The following DOK4 variants were observed in gnomAD, a reference collection of about 807,000 sequenced individuals.
DOK4 encodes the protein downstream of tyrosine kinase 4.
Under a neutral mutation model 40.1 loss-of-function variants are expected in DOK4, and 26 were observed. That is an observed-to-expected ratio of 0.65 (90% CI 0.48 to 0.90). DOK4 has a LOEUF of 0.90. DOK4 is among the 40% of genes least tolerant of loss of function. DOK4 has a pLI of 0.00. For synonymous variants in DOK4, 179 were observed against 177.0 expected, an observed-to-expected ratio of 1.01 and a Z score of -0.09; for missense variants, 392 against 437.2, an observed-to-expected ratio of 0.90 and a Z score of 0.92.
intron 7 of DOK4, 50 bp downstream of exon 7, chr16:57,473,851 C>T (rs374269329): frequency 9.2e-5 from 146 of 1,587,786 alleles, no homozygotes; most frequent in African/African-American, 2.7e-4. Context: ...CCTGCCTGCC[C>T]GCCCGTTCCC....
intron 5 of DOK4, 53 bp from the exon 6 acceptor site, chr16:57,475,035 T>C: frequency 6.2e-7 from 1 of 1,600,190 alleles, no homozygotes; most frequent in Non-Finnish European, 8.5e-7. Flanking sequence ...AGATGGGGAC[T>C]TCCTCCCTCC....
Position 57,476,518 on chromosome 16 carries a change from T to C in DOK4, c.67-561A>G, listed in dbSNP as rs184354473. On this transcript the variant is annotated intron_variant, in intron 2 of 8. Coordinates refer to ENST00000340099, the Ensembl canonical transcript of DOK4. ...TCTCCTGGGGATAGGGATTAGACCCTTCCCCCTGCCCACCTGTACATCCCC... is the reference window on the plus strand; with the variant it reads ...TCTCCTGGGGATAGGGATTAGACCCCTCCCCCTGCCCACCTGTACATCCCC... Among the ~76,000 whole-genome samples, 182 of 152,236 alleles carry C rather than the reference T, an allele frequency of 1.2e-3. 1 individual carries two copies. Among genetic ancestry groups the C allele is most frequent in the Admixed American group, 9.0e-3 (137 of 15,300 alleles).
exon 9 of DOK4, chr16:57,473,314 ACACTGCAGCCAGCCC>A (rs2030960017): frequency 6.4e-7 from 1 of 1,561,070 alleles, no homozygotes; most frequent in Non-Finnish European, 8.7e-7. Flanking sequence ...TGTCCACGGT[ACACTGCAGCCAGCCC>A]CGCAGCAGGC....
chr16:57,483,014 C>A (rs2031459023), intron 1 of DOK4, among the ~76,000 whole-genome samples: 1 of 152,168 alleles, frequency 6.6e-6, no homozygotes, highest in East Asian at 1.9e-4. Flanking sequence ...GGAAGAGTGA[C>A]CTTCACGGGG....
In DOK4 at chr16:57,473,408, TC is replaced by T. The variant is rs755984331; in HGVS notation, c.949del (p.Asp317ThrfsTer19). 3 of 1,613,898 alleles carry T rather than the reference TC, an allele frequency of 1.9e-6. No homozygotes were observed. The highest frequency in any genetic ancestry group is 2.5e-6 in the Non-Finnish European group (3 of 1,180,004). On this transcript the variant is annotated frameshift_variant, in exon 9 of 9. Coordinates refer to ENST00000340099, the Ensembl canonical transcript of DOK4. LOFTEE classifies it high-confidence loss of function. ...GGATGGGGTCTTGGCCTCACTGCTG[TC>T]CCCCTGGCTGGGCTTTGGCTTTAGC...
chr16:57,483,160 G>A (rs1230822032), intron 1 of DOK4, among the ~76,000 whole-genome samples: 3 of 152,234 alleles, frequency 2.0e-5, no homozygotes, highest in African/African-American at 4.8e-5. Context: ...AGAGGGGTTC[G>A]GAAGGGGAGG....
At position 57,479,624 on chromosome 16, in the gene DOK4, CGAGG is replaced by C; in HGVS notation, c.-121_-118del. On this transcript the variant is annotated 5_prime_UTR_variant, in exon 2 of 9. Coordinates refer to ENST00000340099, the Ensembl canonical transcript of DOK4. The surrounding 1 kb of genome is among the most constrained non-coding windows in gnomAD (Gnocchi z 5.8). ...TCCAGACACTCTGTCGGGGCTGCCGCGAGGGGCTGCTCCTCACCTCACCCGCCTC... is the reference window on the plus strand; with the variant it reads ...TCCAGACACTCTGTCGGGGCTGCCGCGGCTGCTCCTCACCTCACCCGCCTC... 9.2e-7 allele frequency: 1 copy of C among 1,089,340 alleles called. No individual in the cohort carries two copies. Among genetic ancestry groups the C allele is most frequent in the Non-Finnish European group, 1.4e-6 (1 of 730,572 alleles). The allele number at this position is 1,089,340 out of a possible 1,614,324, so 67.5% of individuals were successfully genotyped here. A position where few individuals can be genotyped will look rare whatever the true frequency, so the allele number is the denominator to read the frequency against.
intron 6 of DOK4, 162 bp downstream of exon 6, chr16:57,474,631 T>G: frequency 1.1e-6 from 1 of 920,080 alleles, no homozygotes; most frequent in Non-Finnish European, 1.6e-6. Context: ...CCTCTAAGCC[T>G]CCATTTCATT....
chr16:57,475,069 C>G, intron 5 of DOK4, 31 bp downstream of exon 5: 2 of 1,607,082 alleles, frequency 1.2e-6, no homozygotes, highest in Non-Finnish European at 1.7e-6. Context: ...TCCTCCCCCT[C>G]CCCACCCCCA....
chr16:57,481,813 T>C (rs2146665229), intron 1 of DOK4: 1 of 152,354 alleles, frequency 6.6e-6, no homozygotes, highest in Middle Eastern at 3.4e-3. Context: ...AGGAAATGAA[T>C]TCATGAGGCA....
intron 3 of DOK4, 98 bp downstream of exon 3, chr16:57,475,752 C>T (rs2031145390): frequency 2.2e-6 from 2 of 913,856 alleles, no homozygotes; most frequent in Non-Finnish European, 3.3e-6. Flanking sequence ...CTCTCTCCCC[C>T]TTTCTCCCCT....
chr16:57,480,806 A>G (rs1013909669), intron 1 of DOK4, among the ~76,000 whole-genome samples: 6 of 152,152 alleles, frequency 3.9e-5, no homozygotes, highest in South Asian at 2.1e-4. Flanking sequence ...TAACCCCTTC[A>G]TTTTATAGAT....
exon 6 of DOK4, chr16:57,474,924 C>T (rs767333293): frequency 1.2e-6 from 2 of 1,613,994 alleles, no homozygotes; most frequent in Non-Finnish European, 8.5e-7. Flanking sequence ...TGATCTGCAG[C>T]TTGCACTCGC....
intron 2 of DOK4, among the ~76,000 whole-genome samples, chr16:57,477,843 G>A (rs1268335733): frequency 1.3e-5 from 2 of 152,192 alleles, no homozygotes; most frequent in African/African-American, 4.8e-5. Flanking sequence ...CAGGGGAAGT[G>A]AGGCTCCTGG....
In DOK4 at chr16:57,473,742, G is replaced by A. The variant is rs1366437182; in HGVS notation, c.739-6C>T. Reference sequence around the variant, plus strand: ...TCCGTGCCCTTGTTCAGCAGCTGTGGGGCAAAGGAAGGGGTCACTCCCATT... The same window carrying A: ...TCCGTGCCCTTGTTCAGCAGCTGTGAGGCAAAGGAAGGGGTCACTCCCATT... On this transcript the variant is annotated splice_polypyrimidine_tract_variant and splice_region_variant and intron_variant, in intron 7 of 8. Transcript: ENST00000340099. 10 of 1,607,208 alleles carry A rather than the reference G, an allele frequency of 6.2e-6. No homozygotes were observed. Among genetic ancestry groups the A allele is most frequent in the Non-Finnish European group, 8.5e-6 (10 of 1,175,510 alleles).
chr16:57,478,652 C>G (rs181113205), intron 2 of DOK4: 1 of 152,444 alleles, frequency 6.6e-6, no homozygotes, highest in African/African-American at 2.4e-5. Flanking sequence ...GGGTCTTCAC[C>G]AGTTGGGGGT....
chr16:57,475,267 A>C (rs200700713), intron 4 of DOK4, 48 bp from the exon 5 acceptor site: 2 of 1,588,382 alleles, frequency 1.3e-6, no homozygotes, highest in Non-Finnish European at 8.6e-7. Flanking sequence ...CCGGTAGCCC[A>C]CCCCGTCTGC....
intron 1 of DOK4, among the ~76,000 whole-genome samples, chr16:57,482,492 G>A (rs1352485467): frequency 6.8e-6 from 1 of 146,226 alleles, no homozygotes; most frequent in Non-Finnish European, 1.5e-5. Context: ...TCAGCCTCCC[G>A]AGTAGCTGGG....
At chr16:57,474,210 A>C (rs181348343) in intron 6 of DOK4, among the ~76,000 whole-genome samples, 171 bp from the exon 7 acceptor site, 1 of 152,202 alleles carries the variant, frequency 6.6e-6, no homozygotes, top group African/African-American at 2.4e-5. Flanking sequence ...AGCATATTCT[A>C]TACCAGCTGG....
Sources: gnomAD v4.1 joint callset for allele counts (sites outside exome capture counted in the v4.1 genomes callset) on GRCh38, gnomAD v4.1.1 for gene constraint, Gnocchi (gnomAD v3.1) non-coding constraint, MANE v1.5 for transcripts, NCBI Gene and HGNC (gene_info 2026-07-23, HGNC 2026-07-21) for gene names.